The following ATP11C variants were observed in gnomAD, a reference collection of about 807,000 sequenced individuals.
The protein encoded by ATP11C is ATPase phospholipid transporting 11C (ATP11C blood group).
In ATP11C, 36 loss-of-function variants were observed where a neutral mutation model predicts 97.4. That is an observed-to-expected ratio of 0.37 (90% CI 0.28 to 0.49). The LOEUF (loss-of-function observed/expected upper bound fraction) is 0.49, where lower values mean the gene tolerates loss of function less well. ATP11C is among the 20% of genes least tolerant of loss of function. The probability of loss-of-function intolerance (pLI) is 0.98; values close to 1 mark genes in which losing one functional copy is unlikely to be tolerated. For synonymous variants in ATP11C, 275 were observed against 290.9 expected (o/e 0.95, Z 0.56); for missense variants, 730 against 824.6 (o/e 0.89, Z 1.40).
intron 1 of ATP11C, among the ~76,000 whole-genome samples, chrX:139,875,591 T>C (rs1251788857): frequency 9.1e-6 from 1 of 110,299 alleles, no homozygotes; most frequent in Non-Finnish European, 1.9e-5. Flanking sequence ...AGTAAGACCC[T>C]GTCTCAAAAA....
intron 1 of ATP11C, among the ~76,000 whole-genome samples, chrX:139,871,516 CTTTTTTT>C (rs1206468631): frequency 1.4e-4 from 11 of 77,198 alleles, no homozygotes; most frequent in Non-Finnish European, 2.2e-4. Flanking sequence ...GCCACCCCCG[CTTTTTTT>C]TTTTTTTTTT....
intron 2 of ATP11C, among the ~76,000 whole-genome samples, chrX:139,820,742 T>C (rs1373365475): frequency 3.6e-5 from 4 of 111,556 alleles, no homozygotes; most frequent in African/African-American, 9.8e-5. Flanking sequence ...TCAATCGTAC[T>C]TTGTCCCTGA....
chrX:139,764,593 A>G (rs56750070), intron 20 of ATP11C, among the ~76,000 whole-genome samples: 5,830 of 112,808 alleles, frequency 0.052, 275 homozygotes, highest in East Asian at 0.33. Context: ...TGCTTTGCAA[A>G]AATACTGTCC....
chrX:139,842,957 A>C (rs767566387), intron 1 of ATP11C, among the ~76,000 whole-genome samples: 1 of 112,140 alleles, frequency 8.9e-6, no homozygotes, highest in African/African-American at 3.2e-5. Flanking sequence ...CTGTCATCAA[A>C]TTCAACTCCC....
chrX:139,772,889 T>C (rs1245171024), intron 19 of ATP11C, among the ~76,000 whole-genome samples: 1 of 111,375 alleles, frequency 9.0e-6, no homozygotes, highest in Non-Finnish European at 1.9e-5. Flanking sequence ...GGGTTAATGC[T>C]GAAAGACTTT....
chrX:139,748,558 C>T (rs1351002559), intron 24 of ATP11C, among the ~76,000 whole-genome samples: 1 of 111,351 alleles, frequency 9.0e-6, no homozygotes, highest in Admixed American at 9.6e-5. Flanking sequence ...TACCCTGTGT[C>T]CTTAGGTAAG....
intron 23 of ATP11C, among the ~76,000 whole-genome samples, chrX:139,757,048 A>G (rs916204040): frequency 9.1e-5 from 10 of 109,922 alleles, no homozygotes; most frequent in African/African-American, 3.0e-4. Flanking sequence ...AGAAGAATAC[A>G]TAAGTGTATT....
intron 1 of ATP11C, among the ~76,000 whole-genome samples, chrX:139,893,388 G>A (rs1032427716): frequency 1.5e-4 from 17 of 111,417 alleles, no homozygotes; most frequent in Non-Finnish European, 1.5e-4. Flanking sequence ...AAGCTCTATG[G>A]CCCATAGGTA....
In ATP11C at chrX:139,896,619, G is replaced by GTCTCTC. The variant is rs202000678; in HGVS notation, c.27+35391_27+35396dup. 7.8e-4 allele frequency among the ~76,000 whole-genome samples: 71 copies of GTCTCTC among 90,899 alleles called. 1 individual carries two copies. In the Middle Eastern group the frequency reaches 0.018, roughly 22 times the overall value. 78.9% of individuals were successfully genotyped at this position (90,899 alleles called of 115,157 possible). The stretch of plus-strand genomic sequence containing the variant: ...CTTTTTTTCCCTTTCTTGAGAAAGA[G>GTCTCTC]TCTCTCTCTCTCTCTCTCTCTCTCT... On this transcript the variant is annotated intron_variant, in intron 1 of 29. Transcript: ENST00000682941.
chrX:139,805,334 C>T (rs1370162528), intron 5 of ATP11C, among the ~76,000 whole-genome samples: 1 of 111,474 alleles, frequency 9.0e-6, no homozygotes, highest in Non-Finnish European at 1.9e-5. Context: ...ACTTCTCATC[C>T]CAGCTCTGCC....
intron 1 of ATP11C, among the ~76,000 whole-genome samples, chrX:139,876,183 A>G (rs1038378707): frequency 3.2e-4 from 36 of 111,813 alleles, no homozygotes; most frequent in African/African-American, 1.1e-3. Context: ...CACAAAAACA[A>G]TAAAATAAAA....
intron 1 of ATP11C, among the ~76,000 whole-genome samples, chrX:139,919,828 A>T (rs749114550): frequency 1.7e-4 from 19 of 111,585 alleles, no homozygotes; most frequent in Admixed American, 1.4e-3. Flanking sequence ...CTGAGGCAGG[A>T]GAATTGCTTG....
Position 139,768,309 on chromosome X carries a change from T to C in ATP11C, c.2342A>G (p.Lys781Arg). 8.4e-7 allele frequency: 1 copy of C among 1,187,088 alleles called. No individual in the cohort carries two copies. The highest frequency in any genetic ancestry group is 1.1e-6 in the Non-Finnish European group (1 of 882,706). Reference protein sequence around the residue: ...YKSIFLQICMKCTAVLCCRMA... With the variant: ...YKSIFLQICMRCTAVLCCRMA... Reference sequence around the variant, plus strand: ...CCGACAGCAGAGCACTGCAGTACACTTCATACATATTTGTAGGAAAATGCT... The same window carrying C: ...CCGACAGCAGAGCACTGCAGTACACCTCATACATATTTGTAGGAAAATGCT... Residue 781 changes from lysine to arginine, a missense_variant, in exon 20 of 30, where the codon AAG (lysine) becomes AGG (arginine). Coordinates refer to ENST00000682941, the MANE Select transcript of ATP11C (RefSeq NM_001353812.2).
At chrX:139,804,423 A>T (rs750689817) in intron 6 of ATP11C, 48 bp downstream of exon 6, 4 of 1,098,273 alleles carry the variant, frequency 3.6e-6, no homozygotes, top group Non-Finnish European at 4.9e-6. Context: ...GTATTGTATG[A>T]TTAACTATCC....
intron 16 of ATP11C, 92 bp downstream of exon 16, chrX:139,785,134 T>C: frequency 1.5e-6 from 1 of 666,502 alleles, no homozygotes; most frequent in Non-Finnish European, 2.3e-6. Flanking sequence ...CCTACACTAC[T>C]ACATGAAATG....
intron 1 of ATP11C, among the ~76,000 whole-genome samples, chrX:139,828,398 C>T (rs1334797266): frequency 3.6e-5 from 4 of 111,497 alleles, no homozygotes; most frequent in Non-Finnish European, 7.5e-5. Flanking sequence ...CTGATAAGAG[C>T]ACCAAATTTT....
chrX:139,809,475 T>C (rs142988413), intron 5 of ATP11C, among the ~76,000 whole-genome samples: 2 of 111,860 alleles, frequency 1.8e-5, no homozygotes, highest in East Asian at 5.6e-4. Context: ...GGGAAATTCA[T>C]AGAGACAAAA....
intron 1 of ATP11C, among the ~76,000 whole-genome samples, chrX:139,905,618 G>A (rs1261889575): frequency 2.7e-5 from 3 of 111,828 alleles, no homozygotes; most frequent in Non-Finnish European, 3.8e-5. Context: ...AGAAAAAATA[G>A]GCAGAAAATT....
intron 1 of ATP11C, among the ~76,000 whole-genome samples, chrX:139,888,043 G>A (rs1192045284): frequency 9.1e-6 from 1 of 109,464 alleles, no homozygotes; most frequent in Non-Finnish European, 1.9e-5. Context: ...AAAAAGACAA[G>A]CCATAGACTG....
Sources: allele counts gnomAD v4.1 joint callset (sites outside exome capture counted in the v4.1 genomes callset), GRCh38; gene constraint gnomAD v4.1.1; transcripts MANE v1.5; gene names NCBI Gene and HGNC (gene_info 2026-07-23, HGNC 2026-07-21).